IQCM: variants seen among roughly 807,000 people sequenced by gnomAD.
IQCM encodes IQ domain-containing protein M.
IQCM carries 45 observed loss-of-function variants against 57.6 expected under a neutral mutation model. The ratio of observed to expected loss-of-function variants is 0.78; its 90% CI spans 0.62 to 1.00. The LOEUF (loss-of-function observed/expected upper bound fraction) is 1.00, where lower values mean the gene tolerates loss of function less well. Among genes scored for constraint, IQCM ranks in the 50% least tolerant of loss-of-function variants. IQCM has a pLI of 0.00. For synonymous variants in IQCM, 148 were observed against 158.9 expected, an observed-to-expected ratio of 0.93 and a Z score of 0.51; for missense variants, 468 against 511.6, an observed-to-expected ratio of 0.91 and a Z score of 0.82.
At chr4:149,479,674 A>T (rs888441960) in intron 12 of IQCM, among the ~76,000 whole-genome samples, 1 of 152,112 alleles carries the variant, frequency 6.6e-6, no homozygotes, top group African/African-American at 2.4e-5. Flanking sequence ...ATTAGGTGAA[A>T]CTGAGTATGG....
intron 7 of IQCM, among the ~76,000 whole-genome samples, chr4:149,628,836 C>A (rs751185838): frequency 6.6e-6 from 1 of 152,034 alleles, no homozygotes; most frequent in Non-Finnish European, 1.5e-5. Flanking sequence ...GGTGTAAACT[C>A]CAGGTTATTC....
At chr4:149,564,006 A>T (rs1750378148) in intron 9 of IQCM, 116 bp from the exon 10 acceptor site, 1 of 510,868 alleles carries the variant, frequency 2.0e-6, no homozygotes, top group Non-Finnish European at 3.0e-6. Context: ...TATAACTTGT[A>T]CATAGAATTC....
chr4:149,616,952 C>T (rs969810281), intron 8 of IQCM, among the ~76,000 whole-genome samples: 7 of 151,564 alleles, frequency 4.6e-5, no homozygotes, highest in South Asian at 4.2e-4. Context: ...CACATATATC[C>T]TGGAACTTTT....
intron 5 of IQCM, among the ~76,000 whole-genome samples, chr4:149,695,297 C>G (rs147048731): frequency 1.3e-5 from 2 of 152,090 alleles, no homozygotes; most frequent in Non-Finnish European, 2.9e-5. Flanking sequence ...AAAAAAGAAC[C>G]CAGAGATTAT....
chr4:149,490,777 C>A (rs569540542), intron 12 of IQCM, among the ~76,000 whole-genome samples: 1 of 152,174 alleles, frequency 6.6e-6, no homozygotes, highest in East Asian at 1.9e-4. Flanking sequence ...CATTCTTTAA[C>A]AAAATATTAC....
chr4:149,498,078 C>G (rs1469550783), intron 12 of IQCM, among the ~76,000 whole-genome samples: 1 of 152,140 alleles, frequency 6.6e-6, no homozygotes, highest in Non-Finnish European at 1.5e-5. Flanking sequence ...TTACCCTGTA[C>G]CCAACTCCAG....
At chr4:149,591,994 T>C (rs183100967) in intron 8 of IQCM, among the ~76,000 whole-genome samples, 1 of 152,268 alleles carries the variant, frequency 6.6e-6, no homozygotes, top group Admixed American at 6.5e-5. Context: ...GGTCAAATGG[T>C]ATTTCCAGTT....
intron 5 of IQCM, among the ~76,000 whole-genome samples, chr4:149,695,454 G>C (rs1210863628): frequency 2.0e-5 from 3 of 152,124 alleles, no homozygotes; most frequent in African/African-American, 7.2e-5. Context: ...GAGGTCATTG[G>C]ACAATTTAAT....
At chr4:149,730,469 G>A (rs934489048) in intron 5 of IQCM, among the ~76,000 whole-genome samples, 2 of 152,108 alleles carry the variant, frequency 1.3e-5, no homozygotes, top group African/African-American at 2.4e-5. Flanking sequence ...TTAAAATTCA[G>A]TGTTGTTCAG....
chr4:149,761,809 T>C (rs748317463), intron 2 of IQCM, among the ~76,000 whole-genome samples: 36 of 152,128 alleles, frequency 2.4e-4, no homozygotes, highest in Non-Finnish European at 4.7e-4. Context: ...TAGAAATATA[T>C]GTGCCAAAAC....
intron 13 of IQCM, among the ~76,000 whole-genome samples, chr4:149,392,538 T>C (rs34713915): frequency 5.9e-5 from 9 of 152,052 alleles, no homozygotes; most frequent in African/African-American, 9.7e-5. Context: ...AGGAAGATTT[T>C]TTTTTCATTG....
intron 12 of IQCM, among the ~76,000 whole-genome samples, chr4:149,440,375 G>T (rs182266524): frequency 1.3e-5 from 2 of 152,076 alleles, no homozygotes; most frequent in East Asian, 3.9e-4. Flanking sequence ...TTAAGGGGCA[G>T]AGGGCAACTC....
chr4:149,374,375 G>C (rs1730568886), intron 13 of IQCM, among the ~76,000 whole-genome samples: 1 of 152,094 alleles, frequency 6.6e-6, no homozygotes, highest in Non-Finnish European at 1.5e-5. Flanking sequence ...CCTGATAGAA[G>C]TTCTTGTAGC....
intron 8 of IQCM, among the ~76,000 whole-genome samples, chr4:149,589,926 C>G (rs548323323): frequency 6.6e-6 from 1 of 152,080 alleles, no homozygotes; most frequent in South Asian, 2.1e-4. Context: ...CTTGATATTT[C>G]ATACTTTTAC....
chr4:149,638,125 C>T (rs769119660), intron 7 of IQCM, among the ~76,000 whole-genome samples: 19 of 152,056 alleles, frequency 1.2e-4, no homozygotes, highest in Non-Finnish European at 2.6e-4. Context: ...GGGCAAAGGA[C>T]ACAGATTATT....
At chr4:149,476,903 C>A (rs929485127) in intron 12 of IQCM, among the ~76,000 whole-genome samples, 1 of 152,104 alleles carries the variant, frequency 6.6e-6, no homozygotes, top group Non-Finnish European at 1.5e-5. Flanking sequence ...TAACAACAAC[C>A]TTTCATTTGA....
intron 12 of IQCM, among the ~76,000 whole-genome samples, chr4:149,491,671 G>A (rs1742110605): frequency 6.6e-6 from 1 of 152,002 alleles, no homozygotes; most frequent in South Asian, 2.1e-4. Context: ...TGGATACTTA[G>A]GTTGATTCTA....
chr4:149,359,447 A>G (rs1729321090), intron 13 of IQCM, among the ~76,000 whole-genome samples: 1 of 152,176 alleles, frequency 6.6e-6, no homozygotes, highest in Non-Finnish European at 1.5e-5. Context: ...AAAAATAGCA[A>G]TATTAGAGAT....
intron 5 of IQCM, among the ~76,000 whole-genome samples, chr4:149,715,526 G>A (rs922756413): frequency 3.3e-5 from 5 of 152,242 alleles, no homozygotes; most frequent in East Asian, 3.9e-4. Flanking sequence ...CTGAAGGACC[G>A]CTGCTCTTCT....
Sources: allele counts gnomAD v4.1 joint callset (sites outside exome capture counted in the v4.1 genomes callset), GRCh38; gene constraint gnomAD v4.1.1; transcripts MANE v1.5; gene names NCBI Gene and HGNC (gene_info 2026-07-23, HGNC 2026-07-21).